Variants in PRKAR1A observed in about 807,000 individuals in gnomAD.
PRKAR1A encodes protein kinase cAMP-dependent type I regulatory subunit alpha.
PRKAR1A carries 3 observed loss-of-function variants against 52.0 expected under a neutral mutation model. That is an observed-to-expected ratio of 0.06 (90% CI 0.03 to 0.15). The LOEUF (loss-of-function observed/expected upper bound fraction) is 0.15. Ranked by LOEUF, PRKAR1A falls within the 10% of genes least tolerant of loss-of-function variation. The pLI, the probability that PRKAR1A is intolerant of heterozygous loss-of-function variation, is 1.00. For synonymous variants in PRKAR1A, 188 were observed against 168.4 expected, an observed-to-expected ratio of 1.12 and a Z score of -0.90; for missense variants, 240 against 477.4, an observed-to-expected ratio of 0.50 and a Z score of 4.63.
chr17:68,535,008 C>G (rs2952270), downstream of PRKAR1A: 96,941 of 313,988 alleles, frequency 0.31, 15,772 homozygotes, highest in East Asian at 0.57. Flanking sequence ...CTCATATTGT[C>G]TTCCTGGCTT....
chr17:68,500,745 G>C, the PRKAR1A span, among the ~76,000 whole-genome samples: 2 of 152,016 alleles, frequency 1.3e-5, no homozygotes, highest in Admixed American at 1.3e-4. Flanking sequence ...TTGAACTCCT[G>C]ACCTCAGCTT....
the PRKAR1A span, chr17:68,428,420 A>C: frequency 5.6e-6 from 1 of 177,394 alleles, no homozygotes; most frequent in Non-Finnish European, 1.2e-5. Flanking sequence ...TTTGGTATAG[A>C]TGGGGTTTCA....
chr17:68,421,843 G>A, the PRKAR1A span: 3 of 1,614,076 alleles, frequency 1.9e-6, no homozygotes, highest in East Asian at 4.5e-5. Flanking sequence ...AAACAGAATG[G>A]CCTTACTCTT....
At chr17:68,484,698 GA>G in the PRKAR1A span, among the ~76,000 whole-genome samples, 1 of 152,140 alleles carries the variant, frequency 6.6e-6, no homozygotes, top group Admixed American at 6.6e-5. Context: ...TTAACAGGTT[GA>G]AAAAGCTCCA....
the PRKAR1A span, among the ~76,000 whole-genome samples, chr17:68,454,015 C>A: frequency 2.0e-5 from 3 of 152,110 alleles, no homozygotes; most frequent in African/African-American, 7.2e-5. Context: ...TCACAACCAA[C>A]AAACAAAATA....
the PRKAR1A span, among the ~76,000 whole-genome samples, chr17:68,426,409 T>G: frequency 6.6e-6 from 1 of 152,202 alleles, no homozygotes; most frequent in South Asian, 2.1e-4. Context: ...TTTGAATTTT[T>G]CTTTGTTGAG....
At chr17:68,434,482 C>A in the PRKAR1A span, 1 of 1,525,866 alleles carries the variant, frequency 6.6e-7, no homozygotes, top group South Asian at 1.2e-5. Flanking sequence ...TCTGTCCTCT[C>A]CCTAGACAGC....
At position 68,533,413 on chromosome 17, in the gene PRKAR1A, A is replaced by G. The variant is rs2086030555; in HGVS notation, c.*2964A>G. The G allele has an allele frequency of 9.4e-7, 1 of 1,058,446 alleles. No homozygotes were observed. The highest frequency in any genetic ancestry group is 1.1e-6 in the Non-Finnish European group (1 of 874,904). The allele number at this position is 1,058,446 out of a possible 1,614,324, so 65.6% of individuals were successfully genotyped here. A position where few individuals can be genotyped will look rare whatever the true frequency, so the allele number is the denominator to read the frequency against. Reference sequence around the variant, plus strand: ...AGTATGAAACCTTTAGAGTCACAATAAAATGTAACTAAAGAAAATTTCTCT... The same window carrying G: ...AGTATGAAACCTTTAGAGTCACAATGAAATGTAACTAAAGAAAATTTCTCT... On this transcript the variant is annotated 3_prime_UTR_variant, in exon 11 of 11. Transcript: ENST00000589228.
At chr17:68,539,234 T>C (rs562896303) in intron 11 of PRKAR1A, 10 of 1,094,878 alleles carry the variant, frequency 9.1e-6, no homozygotes, top group Non-Finnish European at 1.4e-5. Flanking sequence ...CCCACTTACG[T>C]CCTGGACCAG....
chr17:68,443,986 G>A, the PRKAR1A span, among the ~76,000 whole-genome samples: 5 of 152,032 alleles, frequency 3.3e-5, no homozygotes, highest in Admixed American at 6.5e-5. Context: ...GTTAAATCCC[G>A]AGAATTCAGT....
At chr17:68,475,206 A>G in the PRKAR1A span, among the ~76,000 whole-genome samples, 1 of 152,202 alleles carries the variant, frequency 6.6e-6, no homozygotes, top group African/African-American at 2.4e-5. Flanking sequence ...AAAAAAATCT[A>G]CCAAAAACTT....
chr17:68,534,560 C>CTTTTTTTTTTTTTTTTTTGTTT (rs2086053654), downstream of PRKAR1A, among the ~76,000 whole-genome samples: 2 of 111,052 alleles, frequency 1.8e-5, no homozygotes, highest in Non-Finnish European at 3.7e-5. Context: ...TTTTTAGTGC[C>CTTTTTTTTTTTTTTTTTTGTTT]TTTTTTTTTT....
chr17:68,497,130 T>C, the PRKAR1A span, among the ~76,000 whole-genome samples: 2 of 152,214 alleles, frequency 1.3e-5, no homozygotes, highest in African/African-American at 4.8e-5. Context: ...GGCTGTATAT[T>C]TTTCAGTGGC....
chr17:68,482,233 G>A, the PRKAR1A span, among the ~76,000 whole-genome samples: 3 of 152,182 alleles, frequency 2.0e-5, no homozygotes, highest in African/African-American at 4.8e-5. Flanking sequence ...AACTTATGTC[G>A]TCTTTATTGG....
In PRKAR1A at chr17:68,543,699, G is replaced by A. The variant is rs1214409896; in HGVS notation, c.974-7385G>A. The A allele has an allele frequency of 5.6e-6, 9 of 1,614,000 alleles. No homozygotes were observed. The highest frequency in any genetic ancestry group is 7.6e-6 in the Non-Finnish European group (9 of 1,179,974). On this transcript the variant is annotated intron_variant, in intron 11 of 11. Transcript: ENST00000585981. ...TCAATGAAGTAGAAGAAGTCCACTG[G>A]TGTCTCCTCATCTCGCTGCTGTCTG...
At chr17:68,501,856 C>G in the PRKAR1A span, among the ~76,000 whole-genome samples, 8 of 152,160 alleles carry the variant, frequency 5.3e-5, no homozygotes, top group African/African-American at 7.2e-5. Flanking sequence ...AAAATGGAAC[C>G]CTTGCTGCTT....
At chr17:68,523,883 C>T in intron 4 of PRKAR1A, 67 bp downstream of exon 4, 1 of 1,584,030 alleles carries the variant, frequency 6.3e-7, no homozygotes, top group Non-Finnish European at 8.7e-7. Context: ...GTTTTCAACA[C>T]TTGTTGCAAG....
chr17:68,520,336 G>C (rs1459541624), intron 2 of PRKAR1A, among the ~76,000 whole-genome samples: 4 of 152,224 alleles, frequency 2.6e-5, no homozygotes, highest in African/African-American at 9.6e-5. Context: ...AGTGGGGACA[G>C]AATTTGAACC....
At chr17:68,447,562 T>G in the PRKAR1A span, among the ~76,000 whole-genome samples, 35 of 151,932 alleles carry the variant, frequency 2.3e-4, no homozygotes, top group Non-Finnish European at 1.0e-4. Flanking sequence ...ATTTTTATAG[T>G]AAAGACCTAG....
Sources: allele counts gnomAD v4.1 joint callset (sites outside exome capture counted in the v4.1 genomes callset), GRCh38; gene constraint gnomAD v4.1.1; transcripts MANE v1.5; gene names NCBI Gene and HGNC (gene_info 2026-07-23, HGNC 2026-07-21).